MYO3B: variants seen among roughly 807,000 people sequenced by gnomAD.
The protein encoded by MYO3B is myosin-IIIb.
In MYO3B, 156 loss-of-function variants were observed where a neutral mutation model predicts 174.6. The observed-to-expected ratio is 0.89, with a 90% CI of 0.78 to 1.02. The LOEUF is 1.02. Ranked by LOEUF, MYO3B falls within the 50% of genes least tolerant of loss-of-function variation. The pLI is 0.00. For synonymous variants in MYO3B, 563 were observed against 569.1 expected (o/e 0.99, Z 0.15); for missense variants, 1,632 against 1,639.4 (o/e 1.00, Z 0.08).
At chr2:170,451,392 A>G (rs1328146244) in intron 23 of MYO3B, among the ~76,000 whole-genome samples, 1 of 152,264 alleles carries the variant, frequency 6.6e-6, no homozygotes, top group Non-Finnish European at 1.5e-5. Flanking sequence ...TAATGACTCC[A>G]AAGTAGGTAA....
chr2:170,601,830 C>G (rs1444695488), intron 32 of MYO3B: 14 of 996,726 alleles, frequency 1.4e-5, no homozygotes, highest in Non-Finnish European at 2.2e-5. Context: ...AAGTGTTATT[C>G]CACATCTCTA....
At chr2:170,519,402 T>A in intron 29 of MYO3B, 36 bp from the exon 30 acceptor site, 1 of 1,578,164 alleles carries the variant, frequency 6.3e-7, no homozygotes, top group Non-Finnish European at 8.7e-7. Flanking sequence ...TACCTACTTC[T>A]GAACATATGC....
At position 170,178,189 on chromosome 2, in the gene MYO3B, C is replaced by T. The variant is rs1231196916; in HGVS notation, c.-99C>T. 1 of 1,434,534 alleles carries T rather than the reference C, an allele frequency of 7.0e-7. No individual in the cohort carries two copies. The highest frequency in any genetic ancestry group is 2.3e-5 in the East Asian group (1 of 43,968). The allele number at this position is 1,434,534 out of a possible 1,614,324, so 88.9% of individuals were successfully genotyped here. ...GTAATGATGTGTCATACATTCTAGT[C>T]ATCAAAGACACCATTTTCTGGGCCT... On this transcript the variant is annotated 5_prime_UTR_variant, in exon 1 of 35. Coordinates refer to ENST00000408978, the MANE Select transcript of MYO3B (RefSeq NM_138995.5).
At chr2:170,625,626 G>GTTCT (rs1324206763) in intron 32 of MYO3B, among the ~76,000 whole-genome samples, 1 of 152,172 alleles carries the variant, frequency 6.6e-6, no homozygotes, top group Non-Finnish European at 1.5e-5. Context: ...TGCCTCGCTA[G>GTTCT]TTCTTTTAAT....
At chr2:170,405,861 T>C (rs1369157716) in intron 21 of MYO3B, among the ~76,000 whole-genome samples, 1 of 152,234 alleles carries the variant, frequency 6.6e-6, no homozygotes, top group East Asian at 1.9e-4. Context: ...TGCCATCTGC[T>C]TCTCACCTGA....
chr2:170,346,273 A>G (rs183767066), intron 8 of MYO3B: 69 of 152,230 alleles, frequency 4.5e-4, no homozygotes, highest in African/African-American at 1.5e-3. Context: ...AAATTTGTAA[A>G]CTTTCTTAAA....
intron 7 of MYO3B, among the ~76,000 whole-genome samples, chr2:170,265,530 A>G (rs1004468183): frequency 1.3e-5 from 2 of 152,244 alleles, no homozygotes; most frequent in African/African-American, 4.8e-5. Flanking sequence ...AGGCAAGGTC[A>G]GGCTAGGTCA....
At chr2:170,443,460 T>C (rs2094817435) in intron 22 of MYO3B, among the ~76,000 whole-genome samples, 1 of 152,240 alleles carries the variant, frequency 6.6e-6, no homozygotes, top group Non-Finnish European at 1.5e-5. Flanking sequence ...ACTCTGATGG[T>C]AGTTTCTTTT....
At chr2:170,610,199 G>A (rs941580251) in intron 32 of MYO3B, among the ~76,000 whole-genome samples, 1 of 152,112 alleles carries the variant, frequency 6.6e-6, no homozygotes. Context: ...AATTAGACGG[G>A]CATGGTGGCG....
intron 32 of MYO3B, among the ~76,000 whole-genome samples, chr2:170,648,633 T>TATATATATTATATTCTATATA (rs373147719): frequency 0.16 from 9,655 of 60,142 alleles, 2,049 homozygotes; most frequent in Non-Finnish European, 0.24. Flanking sequence ...AAAAAATATG[T>TATATATATTATATTCTATATA]ATATATATTA....
chr2:170,343,018 G>T (rs2093987762), intron 8 of MYO3B, among the ~76,000 whole-genome samples: 1 of 143,262 alleles, frequency 7.0e-6, no homozygotes. Flanking sequence ...TACTTCCACA[G>T]TTCGGGCCTC....
intron 32 of MYO3B, among the ~76,000 whole-genome samples, chr2:170,566,716 T>C (rs1444948190): frequency 6.6e-6 from 1 of 152,160 alleles, no homozygotes; most frequent in Admixed American, 6.6e-5. Context: ...GTGTACCAAG[T>C]GTGAATGGAT....
At chr2:170,383,964 C>A in intron 12 of MYO3B, 150 bp downstream of exon 12, 1 of 618,804 alleles carries the variant, frequency 1.6e-6, no homozygotes, top group Non-Finnish European at 2.9e-6. Context: ...CTCTGTGGAA[C>A]TTGAGCATAG....
intron 22 of MYO3B, among the ~76,000 whole-genome samples, chr2:170,416,276 A>C (rs2094577905): frequency 6.6e-6 from 1 of 152,138 alleles, no homozygotes. Flanking sequence ...TAATCCCAGC[A>C]CTTTGGGAGG....
In MYO3B at chr2:170,526,823, A is replaced by G. The variant is rs547568974; in HGVS notation, c.3575+7283A>G. On this transcript the variant is annotated intron_variant, in intron 30 of 34. Coordinates refer to ENST00000408978, the MANE Select transcript of MYO3B (RefSeq NM_138995.5). ...TGCTTATGGCCGTACATAAATATTT[A>G]TCTGAACTATTTCAACAAACCCTAA... Among the ~76,000 whole-genome samples the G allele has an allele frequency of 2.6e-5, 4 of 152,226 alleles. No individual in the cohort carries two copies. In the South Asian group the frequency reaches 8.3e-4, roughly 32 times the overall value.
chr2:170,526,052 T>A (rs1055187498), intron 30 of MYO3B, among the ~76,000 whole-genome samples: 2 of 152,140 alleles, frequency 1.3e-5, no homozygotes, highest in African/African-American at 4.8e-5. Context: ...TCTGATCAAG[T>A]GCTTAAGATG....
intron 32 of MYO3B, among the ~76,000 whole-genome samples, chr2:170,589,225 C>T (rs1354561433): frequency 1.3e-5 from 2 of 152,014 alleles, no homozygotes; most frequent in Non-Finnish European, 2.9e-5. Flanking sequence ...GAAAGGTTTT[C>T]GATAATACAG....
chr2:170,376,627 G>A (rs934133038), intron 9 of MYO3B, among the ~76,000 whole-genome samples: 20 of 147,846 alleles, frequency 1.4e-4, no homozygotes, highest in Non-Finnish European at 1.2e-4. Flanking sequence ...GCCTCTATCC[G>A]CAACAAATTT....
Position 170,498,557 on chromosome 2 carries a change from C to T in MYO3B, c.3015-35C>T, listed in dbSNP as rs759450956. On this transcript the variant is annotated intron_variant, in intron 25 of 34. Coordinates refer to ENST00000408978, the MANE Select transcript of MYO3B (RefSeq NM_138995.5). ...TCTACTATGCTGAGTCAAATGGTGA[C>T]TGAAAAGGCTTCACTTAATTCTTTT... 2.7e-6 allele frequency: 4 copies of T among 1,456,490 alleles called. No homozygotes were observed. In the South Asian group the frequency reaches 4.6e-5, roughly 17 times the overall value. 90.2% of individuals were successfully genotyped at this position (1,456,490 alleles called of 1,614,324 possible). A position where few individuals can be genotyped will look rare whatever the true frequency, so the allele number is the denominator to read the frequency against.
Sources: allele counts gnomAD v4.1 joint callset (sites outside exome capture counted in the v4.1 genomes callset), GRCh38; gene constraint gnomAD v4.1.1; transcripts MANE v1.5; gene names NCBI Gene and HGNC (gene_info 2026-07-23, HGNC 2026-07-21).